LHX1: variants seen among roughly 807,000 people sequenced by gnomAD.
LHX1 encodes LIM/homeobox protein Lhx1.
In LHX1, 9 loss-of-function variants were observed where a neutral mutation model predicts 34.1. The ratio of observed to expected loss-of-function variants is 0.26; its 90% CI spans 0.16 to 0.46. LHX1 has a LOEUF of 0.46. Ranked by LOEUF, LHX1 falls within the 20% of genes least tolerant of loss-of-function variation. LHX1 has a pLI of 1.00. For synonymous variants in LHX1, 254 were observed against 241.5 expected (o/e 1.05, Z -0.48); for missense variants, 446 against 559.1 (o/e 0.80, Z 2.04).
At chr17:36,940,265 G>T (rs748116406) in intron 1 of LHX1, 25 bp from the exon 2 acceptor site, 11 of 328,472 alleles carry the variant, frequency 3.3e-5, no homozygotes, top group South Asian at 9.9e-5. Context: ...CCCCGCCCCC[G>T]CCCCCCACCC....
chr17:36,940,612 A>G lies in LHX1; in HGVS notation c.400A>G (p.Thr134Ala). 6.2e-7 allele frequency: 1 copy of G among 1,613,740 alleles called. No homozygotes were observed. Among genetic ancestry groups the G allele is most frequent in the Non-Finnish European group, 8.5e-7 (1 of 1,180,020 alleles). ...CTCATCTGTCCTTTCCCTCTTAGCC[A>G]CCACGGGCAGTGACCCCAGTTTGTC... is the stretch of plus-strand genomic sequence containing the variant. ...VAKENSLHSA[T>A]TGSDPSLSPD... The change falls in exon 3 of 5, where the codon ACC (threonine) becomes GCC (alanine). Residue 134 changes from threonine (T) to alanine (A), a missense_variant and splice_region_variant. Thr to Ala is a moderately conservative substitution (Grantham distance 58). Transcript: ENST00000614239.
Position 36,943,966 on chromosome 17 carries a change from A to T in LHX1, c.*835A>T, listed in dbSNP as rs565670577. 2.0e-5 allele frequency: 3 copies of T among 152,020 alleles called. No individual in the cohort carries two copies. Among genetic ancestry groups the T allele is most frequent in the Non-Finnish European group, 4.4e-5 (3 of 67,994 alleles). 9.4% of individuals were successfully genotyped at this position (152,020 alleles called of 1,614,324 possible). A position where few individuals can be genotyped will look rare whatever the true frequency, so the allele number is the denominator to read the frequency against. On this transcript the variant is annotated 3_prime_UTR_variant, in exon 5 of 5. Transcript: ENST00000614239. ...AAAAAAAGACTATTGAACTAAAAAC[A>T]GTCAACTGTTTACGTATAATGTTAA...
In LHX1 at chr17:36,944,252, C is replaced by T. The variant is rs540008121; in HGVS notation, c.*1121C>T. 1.4e-5 allele frequency: 2 copies of T among 140,736 alleles called. No homozygotes were observed. The highest frequency in any genetic ancestry group is 3.0e-5 in the Non-Finnish European group (2 of 66,728). 8.7% of individuals were successfully genotyped at this position (140,736 alleles called of 1,614,324 possible). Reference sequence around the variant, plus strand: ...TGTAAAGGTGCCTGGCACCAGCAACCTGAGAAAGTGTTAAAAAAAAAAAAA... The same window carrying T: ...TGTAAAGGTGCCTGGCACCAGCAACTTGAGAAAGTGTTAAAAAAAAAAAAA... On this transcript the variant is annotated 3_prime_UTR_variant, in exon 5 of 5. Transcript: ENST00000614239.
At chr17:36,941,182 G>A in intron 3 of LHX1, 3 of 680,258 alleles carry the variant, frequency 4.4e-6, no homozygotes, top group Non-Finnish European at 8.1e-6. Context: ...AGAGTGGGGA[G>A]CCCTCTTTCT....
At chr17:36,940,566 G>A (rs2070758202) in intron 2 of LHX1, 44 bp from the exon 3 acceptor site, 2 of 1,613,596 alleles carry the variant, frequency 1.2e-6, no homozygotes, top group African/African-American at 1.3e-5. Flanking sequence ...CCTGGGGGAG[G>A]AAGGCTCGCC....
Position 36,943,332 on chromosome 17 carries a change from C to A in LHX1, c.*201C>A. ...TCGGCCTCGAGGTGGGACTGGGATC[C>A]GCGCACTGGCTGTCGACGTGCAGAA... On this transcript the variant is annotated 3_prime_UTR_variant, in exon 5 of 5. Coordinates refer to ENST00000614239, the MANE Select transcript of LHX1 (RefSeq NM_005568.5). The A allele has an allele frequency of 1.7e-6, 1 of 600,726 alleles. No homozygotes were observed. Among genetic ancestry groups the A allele is most frequent in the East Asian group, 3.1e-5 (1 of 32,606 alleles). The allele number at this position is 600,726 out of a possible 1,614,324, so 37.2% of individuals were successfully genotyped here.
chr17:36,938,025 G>A lies in LHX1; in HGVS notation c.-173G>A, dbSNP rs2070740002. On this transcript the variant is annotated 5_prime_UTR_variant, in exon 1 of 5. Coordinates refer to ENST00000614239, the MANE Select transcript of LHX1 (RefSeq NM_005568.5). The stretch of plus-strand genomic sequence containing the variant: ...GCCCCCCCAGGCCCCGATCAGCCTC[G>A]TTTCCTCCACCCTACTTTGATTTCC... 7 of 659,650 alleles carry A rather than the reference G, an allele frequency of 1.1e-5. No homozygotes were observed. Among genetic ancestry groups the A allele is most frequent in the Non-Finnish European group, 1.6e-5 (6 of 379,026 alleles). The allele number at this position is 659,650 out of a possible 1,614,324, so 40.9% of individuals were successfully genotyped here. A position where few individuals can be genotyped will look rare whatever the true frequency, so the allele number is the denominator to read the frequency against.
At chr17:36,937,299 G>T (rs915516661), upstream of LHX1, 70 of 426,724 alleles carry the variant, frequency 1.6e-4, no homozygotes, top group Non-Finnish European at 3.3e-5. Context: ...AGGGAGGGTC[G>T]CCCTGAGGAC....
At chr17:36,938,569 A>T in intron 1 of LHX1, 1 of 668,904 alleles carries the variant, frequency 1.5e-6, no homozygotes, top group South Asian at 1.6e-5. Context: ...CCTGGAAACT[A>T]TGGGTCTGGG....
At chr17:36,937,001 T>C (rs1597686542), upstream of LHX1, 1 of 264,222 alleles carries the variant, frequency 3.8e-6, no homozygotes, top group Non-Finnish European at 7.4e-6. Flanking sequence ...CTCTCCAAGC[T>C]GCCCCCCTCC....
intron 4 of LHX1, 121 bp from the exon 5 acceptor site, chr17:36,942,631 C>T (rs2070773226): frequency 8.5e-7 from 1 of 1,175,432 alleles, no homozygotes; most frequent in Non-Finnish European, 1.2e-6. Flanking sequence ...GGGCTCCCCG[C>T]GATCCGCGAG....
upstream of LHX1, chr17:36,937,042 CAAAA>C: frequency 2.6e-5 from 6 of 234,932 alleles, no homozygotes; most frequent in South Asian, 6.6e-5. Context: ...AAAAGAAAAA[CAAAA>C]AAAAAAAAAG....
intron 3 of LHX1, 77 bp downstream of exon 3, chr17:36,940,964 C>T: frequency 6.5e-7 from 1 of 1,534,024 alleles, no homozygotes; most frequent in South Asian, 1.2e-5. Context: ...GCCAGGAGAG[C>T]CCAGAATCCA....
In LHX1 at chr17:36,943,048, T is replaced by A. The variant is rs1435836678; in HGVS notation, c.1138T>A (p.Ser380Thr). ...GGTCTTCGGACCCAGCCCGCCCTTC[T>A]CGTCGCTGTCGGTCAACGGTGGGGC... The part of the protein sequence containing the change: ...AEVFGPSPPF[S>T]SLSVNGGASY... The change falls in exon 5 of 5, where the codon TCG becomes ACG. Residue 380 changes from serine to threonine, a missense_variant. Ser to Thr is a moderately conservative substitution (Grantham distance 58, BLOSUM62 1). Transcript: ENST00000614239. 2.5e-6 allele frequency: 4 copies of A among 1,605,952 alleles called. No homozygotes were observed. The highest frequency in any genetic ancestry group is 2.6e-6 in the Non-Finnish European group (3 of 1,174,800).
intron 4 of LHX1, 135 bp downstream of exon 4, chr17:36,942,500 G>A: frequency 9.9e-7 from 1 of 1,014,706 alleles, no homozygotes; most frequent in Non-Finnish European, 1.4e-6. Context: ...AAGGCTGGGA[G>A]TAAATCAAGG....
Position 36,937,688 on chromosome 17 carries a change from A to G in LHX1, c.-510A>G, listed in dbSNP as rs2070736199. 2.8e-5 allele frequency: 11 copies of G among 399,358 alleles called. 1 individual carries two copies. Among genetic ancestry groups the G allele is most frequent in the South Asian group, 1.9e-4 (11 of 57,922 alleles). The allele number at this position is 399,358 out of a possible 1,614,324, so 24.7% of individuals were successfully genotyped here. ...CAGTGGTGGGCAGCCTGGCACGCAC[A>G]CAGTCGCCCTCATACCCCGACAAAA... is the stretch of plus-strand genomic sequence containing the variant. On this transcript the variant is annotated 5_prime_UTR_variant, in exon 1 of 5. Coordinates refer to ENST00000614239, the MANE Select transcript of LHX1 (RefSeq NM_005568.5).
Position 36,940,651 on chromosome 17 carries a change from G to A in LHX1, c.439G>A (p.Asp147Asn). 1 of 1,613,878 alleles carries A rather than the reference G, an allele frequency of 6.2e-7. No homozygotes were observed. The highest frequency in any genetic ancestry group is 8.5e-7 in the Non-Finnish European group (1 of 1,180,034). Residue 147 changes from aspartate (D) to asparagine (N), a missense_variant, in exon 3 of 5, where the codon GAC becomes AAC. Physicochemically the swap from Asp to Asn is conservative, Grantham distance 23. Transcript: ENST00000614239. Reference protein sequence around the residue: ...SDPSLSPDSQDPSQDDAKDSE... With the variant: ...SDPSLSPDSQNPSQDDAKDSE... ...CCCCAGTTTGTCTCCGGATTCCCAAGACCCGTCGCAGGACGACGCCAAGGA... is the reference window on the plus strand; with the variant it reads ...CCCCAGTTTGTCTCCGGATTCCCAAAACCCGTCGCAGGACGACGCCAAGGA...
chr17:36,938,251 C>A lies in LHX1; in HGVS notation c.54C>A (p.Asn18Lys), dbSNP rs1186094809. The change falls in exon 1 of 5, where the codon AAC becomes AAA. Residue 18 changes from asparagine (N) to lysine (K), a missense_variant. Transcript: ENST00000614239. ...KRPILDRFLLNVLDRAWHVKC... is the reference protein window; with the variant it reads ...KRPILDRFLLKVLDRAWHVKC... ...CCATCCTGGACCGCTTTCTCTTGAA[C>A]GTGCTGGACAGGGCCTGGCACGTCA... 2.5e-6 allele frequency: 4 copies of A among 1,614,216 alleles called. No individual in the cohort carries two copies. The South Asian group carries it at 4.4e-5, about 18-fold the overall frequency.
chr17:36,942,845 C>G lies in LHX1; in HGVS notation c.935C>G (p.Pro312Arg). ...SSQAQTPVDL[P>R]FVPSSGPSGT... The stretch of plus-strand genomic sequence containing the variant: ...CAGGCCCAGACACCAGTGGACCTAC[C>G]CTTCGTGCCGTCATCTGGGCCGTCC... The change falls in exon 5 of 5, where the codon CCC becomes CGC. Residue 312 changes from proline (P) to arginine (R), a missense_variant. By Grantham distance (103) the Pro-to-Arg change is moderately radical. Transcript: ENST00000614239. The G allele has an allele frequency of 6.3e-7, 1 of 1,589,970 alleles. No homozygotes were observed. Among genetic ancestry groups the G allele is most frequent in the South Asian group, 1.1e-5 (1 of 88,912 alleles).
Sources: gnomAD v4.1 joint callset for allele counts on GRCh38, gnomAD v4.1.1 for gene constraint, MANE v1.5 for transcripts, NCBI Gene and HGNC (gene_info 2026-07-23, HGNC 2026-07-21) for gene names.